The following PLAG1 variants were observed in gnomAD, a reference collection of about 807,000 sequenced individuals.
PLAG1 encodes the protein PLAG1 zinc finger, also known as zinc finger protein PLAG1.
In PLAG1, 7 loss-of-function variants were observed where a neutral mutation model predicts 35.5. The observed-to-expected ratio is 0.20, with a 90% confidence interval of 0.11 to 0.37. The LOEUF (loss-of-function observed/expected upper bound fraction) is 0.37. Among genes scored for constraint, PLAG1 ranks in the 10% least tolerant of loss-of-function variants. The pLI is 1.00. For missense variants in PLAG1, 454 were observed against 602.8 expected (o/e 0.75, Z 2.58); for synonymous variants, 229 against 225.4 (o/e 1.02, Z -0.14).
At chr8:56,208,398 T>C (rs796523542) in intron 1 of PLAG1, among the ~76,000 whole-genome samples, 32 of 152,240 alleles carry the variant, frequency 2.1e-4, no homozygotes, top group African/African-American at 7.5e-4. Flanking sequence ...TCTTAGAAAG[T>C]TGTAATTGCT....
chr8:56,190,465 T>C (rs951710057), intron 1 of PLAG1, among the ~76,000 whole-genome samples: 1 of 152,144 alleles, frequency 6.6e-6, no homozygotes, highest in African/African-American at 2.4e-5. Context: ...CCTGGTTGTG[T>C]GACATGCAGG....
chr8:56,201,005 G>A (rs867008399), intron 1 of PLAG1, among the ~76,000 whole-genome samples: 1 of 152,056 alleles, frequency 6.6e-6, no homozygotes, highest in Non-Finnish European at 1.5e-5. Flanking sequence ...ATAAATTTAA[G>A]GAATATTTAT....
At chr8:56,182,096 T>C (rs1811886330) in intron 1 of PLAG1, among the ~76,000 whole-genome samples, 1 of 152,192 alleles carries the variant, frequency 6.6e-6, no homozygotes, top group Non-Finnish European at 1.5e-5. Flanking sequence ...TGGGCTGGAC[T>C]GTTCACACTC....
chr8:56,170,522 C>T (rs955795064), intron 3 of PLAG1, among the ~76,000 whole-genome samples: 1 of 152,154 alleles, frequency 6.6e-6, no homozygotes, highest in Non-Finnish European at 1.5e-5. Context: ...TACTTTTATG[C>T]ACCTATTTAG....
At chr8:56,188,915 G>T (rs1260485727) in intron 1 of PLAG1, among the ~76,000 whole-genome samples, 2 of 152,168 alleles carry the variant, frequency 1.3e-5, no homozygotes, top group Admixed American at 6.5e-5. Flanking sequence ...ATCCATGCTG[G>T]GGCAAAGGGG....
At chr8:56,176,337 G>T (rs1291627169) in intron 2 of PLAG1, among the ~76,000 whole-genome samples, 1 of 130,782 alleles carries the variant, frequency 7.6e-6, no homozygotes, top group African/African-American at 3.0e-5. Context: ...ACAGGCGTGA[G>T]CCACCATGCC....
chr8:56,194,905 T>C (rs1043164793), intron 1 of PLAG1, among the ~76,000 whole-genome samples: 1 of 152,058 alleles, frequency 6.6e-6, no homozygotes, highest in African/African-American at 2.4e-5. Flanking sequence ...CCATATTCAA[T>C]GGGACAGTGA....
intron 2 of PLAG1, among the ~76,000 whole-genome samples, chr8:56,174,057 A>C (rs1811618153): frequency 6.6e-6 from 1 of 152,206 alleles, no homozygotes; most frequent in African/African-American, 2.4e-5. Flanking sequence ...TGCATCAATA[A>C]TTATTTCATA....
intron 2 of PLAG1, among the ~76,000 whole-genome samples, chr8:56,177,397 G>C (rs1479312147): frequency 6.6e-6 from 1 of 152,122 alleles, no homozygotes; most frequent in African/African-American, 2.4e-5. Context: ...AAGGGTAGCC[G>C]CTCTCTCCTC....
Position 56,191,827 on chromosome 8 carries a change from C to T in PLAG1, c.-321-12314G>A, listed in dbSNP as rs78917533. 2.7e-3 allele frequency among the ~76,000 whole-genome samples: 403 copies of T among 149,598 alleles called. 2 individuals are homozygous for T. The highest frequency in any genetic ancestry group is 9.4e-3 in the African/African-American group (382 of 40,602). The stretch of plus-strand genomic sequence containing the variant: ...ACACAGGAAAAAAAAAAAAAAAACC[C>T]AGAAAGGAGGAACACAGGTTCTGAA... On this transcript the variant is annotated intron_variant, in intron 1 of 4. Coordinates refer to ENST00000316981, the MANE Select transcript of PLAG1 (RefSeq NM_002655.3).
Position 56,167,508 on chromosome 8 carries a change from A to T in PLAG1, c.243-5T>A. The T allele has an allele frequency of 6.3e-7, 1 of 1,580,174 alleles. No homozygotes were observed. Among genetic ancestry groups the T allele is most frequent in the Non-Finnish European group, 8.7e-7 (1 of 1,154,628 alleles). On this transcript the variant is annotated splice_region_variant and splice_polypyrimidine_tract_variant and intron_variant, in intron 4 of 4. Coordinates refer to ENST00000316981, the MANE Select transcript of PLAG1 (RefSeq NM_002655.3). The surrounding 1 kb of genome is among the most constrained non-coding windows in gnomAD (Gnocchi z 5.9). ...GGAGAATGAGTAGCCATGTGCCTTT[A>T]AACACAGATATAATCTATAAGTAGT...
chr8:56,184,571 T>C (rs954222801), intron 1 of PLAG1, among the ~76,000 whole-genome samples: 1 of 152,324 alleles, frequency 6.6e-6, no homozygotes, highest in South Asian at 2.1e-4. Flanking sequence ...CAAAACTAGA[T>C]GCAACCCGAA....
At chr8:56,195,004 C>A (rs1462936203) in intron 1 of PLAG1, among the ~76,000 whole-genome samples, 2 of 151,952 alleles carry the variant, frequency 1.3e-5, no homozygotes, top group Admixed American at 6.6e-5. Context: ...GGGTGGTGAG[C>A]GAAGAAGCTG....
At position 56,161,702 on chromosome 8, in the gene PLAG1, A is replaced by C; in HGVS notation, c.*4541T>G. The C allele has an allele frequency of 4.4e-6, 1 of 228,266 alleles. No homozygotes were observed. The highest frequency in any genetic ancestry group is 8.7e-6 in the Non-Finnish European group (1 of 114,600). The allele number at this position is 228,266 out of a possible 1,614,324, so 14.1% of individuals were successfully genotyped here. ...GTATAAAAATATATTGTACACTTTT[A>C]CACCTAATGTAGTCCTTTTTCTATG... On this transcript the variant is annotated 3_prime_UTR_variant, in exon 5 of 5. Transcript: ENST00000316981.
intron 1 of PLAG1, among the ~76,000 whole-genome samples, chr8:56,189,363 C>G (rs1812115099): frequency 1.3e-5 from 2 of 152,212 alleles, no homozygotes; most frequent in African/African-American, 4.8e-5. Flanking sequence ...ACGCTGCAGT[C>G]ACTGTTGCCA....
chr8:56,177,749 C>A (rs68005065), intron 2 of PLAG1, among the ~76,000 whole-genome samples: 38,625 of 152,094 alleles, frequency 0.25, 5,655 homozygotes, highest in African/African-American at 0.4. Flanking sequence ...TAGCAGGTAA[C>A]TATGTTTCAG....
At chr8:56,203,078 T>C (rs1254646787) in intron 1 of PLAG1, among the ~76,000 whole-genome samples, 1 of 152,136 alleles carries the variant, frequency 6.6e-6, no homozygotes, top group Non-Finnish European at 1.5e-5. Flanking sequence ...ATGAAAATAA[T>C]TGAATATATC....
At chr8:56,183,320 G>A (rs1811926267) in intron 1 of PLAG1, among the ~76,000 whole-genome samples, 1 of 152,136 alleles carries the variant, frequency 6.6e-6, no homozygotes, top group Admixed American at 6.5e-5. Flanking sequence ...GATGTTCAAA[G>A]TATATTTTAA....
chr8:56,172,480 C>G (rs528463407), intron 2 of PLAG1, among the ~76,000 whole-genome samples: 1 of 152,284 alleles, frequency 6.6e-6, no homozygotes, highest in East Asian at 1.9e-4. Flanking sequence ...GCCCAGGGCA[C>G]ATACTGAGTT....
Sources: gnomAD v4.1 joint callset for allele counts (sites outside exome capture counted in the v4.1 genomes callset) on GRCh38, gnomAD v4.1.1 for gene constraint, Gnocchi (gnomAD v3.1) non-coding constraint, MANE v1.5 for transcripts, NCBI Gene and HGNC (gene_info 2026-07-23, HGNC 2026-07-21) for gene names.